The following STX8 variants were observed in gnomAD, a reference collection of about 807,000 sequenced individuals.
The protein encoded by STX8 is syntaxin-8.
Under a neutral mutation model 37.5 loss-of-function variants are expected in STX8, and 23 were observed. The observed-to-expected ratio is 0.61, with a 90% CI of 0.44 to 0.87. The LOEUF is 0.87. Among genes scored for constraint, STX8 ranks in the 40% least tolerant of loss-of-function variants. STX8 has a pLI of 0.00. For missense variants in STX8, 313 were observed against 284.7 expected, an observed-to-expected ratio of 1.10 and a Z score of -0.71; for synonymous variants, 115 against 99.1, an observed-to-expected ratio of 1.16 and a Z score of -0.95.
intron 6 of STX8, among the ~76,000 whole-genome samples, chr17:9,481,114 A>C (rs1172525536): frequency 1.3e-5 from 2 of 152,028 alleles, no homozygotes; most frequent in Admixed American, 6.6e-5. Context: ...CTATCTCCTG[A>C]CCTCGTGATC....
intron 5 of STX8, among the ~76,000 whole-genome samples, chr17:9,492,610 C>G (rs1346294143): frequency 6.6e-6 from 1 of 152,200 alleles, no homozygotes; most frequent in Non-Finnish European, 1.5e-5. Context: ...CAGATATCAA[C>G]TTAGTGCCTC....
Position 9,557,482 on chromosome 17 carries a change from A to C in STX8, c.164T>G (p.Ile55Ser). The change falls in exon 3 of 8, where the codon ATC becomes AGC. Residue 55 changes from isoleucine to serine, a missense_variant. By Grantham distance (142) the Ile-to-Ser change is moderately radical (BLOSUM62 -2). Coordinates refer to ENST00000306357, the MANE Select transcript of STX8 (RefSeq NM_004853.3). Reference protein sequence around the residue: ...RALLQNLKEKIALLKDLLLRA... With the variant: ...RALLQNLKEKSALLKDLLLRA... ...TAGCAATAAGTCCTTCAAAAGGGCGATCTTTTCCTTCAGGTTCTGCAACAA... is the reference window on the plus strand; with the variant it reads ...TAGCAATAAGTCCTTCAAAAGGGCGCTCTTTTCCTTCAGGTTCTGCAACAA... The C allele has an allele frequency of 6.2e-7, 1 of 1,614,156 alleles. No individual in the cohort carries two copies. The highest frequency in any genetic ancestry group is 1.1e-5 in the South Asian group (1 of 91,088).
chr17:9,479,872 G>C (rs1906248300), intron 6 of STX8, among the ~76,000 whole-genome samples: 1 of 151,838 alleles, frequency 6.6e-6, no homozygotes, highest in South Asian at 2.1e-4. Flanking sequence ...ATGCTCTCTA[G>C]ACCCTGGGTA....
chr17:9,377,251 G>T (rs955073855), intron 7 of STX8, among the ~76,000 whole-genome samples: 1 of 151,952 alleles, frequency 6.6e-6, no homozygotes, highest in African/African-American at 2.4e-5. Context: ...CTGAAAGTTT[G>T]GCAAAGTATG....
At chr17:9,297,963 C>T (rs1197291023) in intron 7 of STX8, among the ~76,000 whole-genome samples, 1 of 152,172 alleles carries the variant, frequency 6.6e-6, no homozygotes, top group Non-Finnish European at 1.5e-5. Flanking sequence ...TTCCATGTAC[C>T]TAGCAAGGGT....
chr17:9,252,161 T>A (rs1359376119), intron 7 of STX8, among the ~76,000 whole-genome samples: 4 of 125,272 alleles, frequency 3.2e-5, no homozygotes, highest in African/African-American at 1.2e-4. Flanking sequence ...ATTTAAAAAA[T>A]TGGCCGGGCG....
chr17:9,455,512 A>G (rs1385856938), intron 6 of STX8, among the ~76,000 whole-genome samples: 1 of 152,200 alleles, frequency 6.6e-6, no homozygotes, highest in Admixed American at 6.5e-5. Context: ...AAATCAATCA[A>G]TAAATAAAAA....
intron 6 of STX8, among the ~76,000 whole-genome samples, chr17:9,410,639 G>A (rs189333558): frequency 5.9e-5 from 9 of 152,238 alleles, no homozygotes; most frequent in South Asian, 4.1e-4. Context: ...GTTCAAAATC[G>A]GAATGGGTTT....
intron 7 of STX8, among the ~76,000 whole-genome samples, chr17:9,277,755 C>A (rs574024079): frequency 3.3e-5 from 5 of 152,088 alleles, no homozygotes; most frequent in African/African-American, 1.2e-4. Context: ...TGGGTGAAGA[C>A]CATGCCAGCC....
chr17:9,508,113 T>A (rs974593080), intron 4 of STX8, among the ~76,000 whole-genome samples: 1 of 152,014 alleles, frequency 6.6e-6, no homozygotes, highest in Non-Finnish European at 1.5e-5. Flanking sequence ...AGAAAAAGAA[T>A]TCAAAATAGT....
rs539624096 is a variant in STX8, at chr17:9,283,119, T to C, written c.644-32474A>G. ...GATAGGAAAAACAGAGCACTCACAA[T>C]TACAGATGTTGTGACCCTGGTCCAA... On this transcript the variant is annotated intron_variant, in intron 7 of 7. Coordinates refer to ENST00000306357, the MANE Select transcript of STX8 (RefSeq NM_004853.3). 4 of 116,152 alleles carry C rather than the reference T, an allele frequency of 3.4e-5. No individual in the cohort carries two copies. The South Asian group carries it at 9.1e-4, about 26-fold the overall frequency. The allele number at this position is 116,152 out of a possible 1,614,324, so 7.2% of individuals were successfully genotyped here.
intron 2 of STX8, among the ~76,000 whole-genome samples, chr17:9,565,437 G>A (rs374609441): frequency 3.9e-5 from 6 of 151,952 alleles, no homozygotes; most frequent in African/African-American, 1.4e-4. Context: ...CCAACATGGC[G>A]AAACCCTCTC....
intron 6 of STX8, among the ~76,000 whole-genome samples, chr17:9,474,285 T>C (rs1906006823): frequency 6.6e-6 from 1 of 152,142 alleles, no homozygotes; most frequent in Non-Finnish European, 1.5e-5. Context: ...TTAATAAAAC[T>C]GTAATAGTAA....
At chr17:9,501,694 C>A (rs964123923) in intron 5 of STX8, among the ~76,000 whole-genome samples, 5 of 145,584 alleles carry the variant, frequency 3.4e-5, no homozygotes, top group Non-Finnish European at 6.0e-5. Flanking sequence ...AATAAACAGG[C>A]CAGGCACGGT....
chr17:9,560,652 C>G (rs1907195287), intron 2 of STX8, among the ~76,000 whole-genome samples: 1 of 151,600 alleles, frequency 6.6e-6, no homozygotes, highest in African/African-American at 2.4e-5. Context: ...TAAGTTTTCC[C>G]CAATTTAAAT....
chr17:9,416,865 T>C (rs1913217351), intron 6 of STX8, among the ~76,000 whole-genome samples: 1 of 152,224 alleles, frequency 6.6e-6, no homozygotes. Flanking sequence ...GATTTCTAAC[T>C]ACCCCAATTG....
chr17:9,429,994 T>G (rs868665213), intron 6 of STX8, among the ~76,000 whole-genome samples: 8 of 13,134 alleles, frequency 6.1e-4, no homozygotes, highest in African/African-American at 5.2e-3. Flanking sequence ...ATATTATATA[T>G]AATATATATA....
Position 9,475,534 on chromosome 17 carries a change from A to C in STX8, c.541+16295T>G, listed in dbSNP as rs751544743. On this transcript the variant is annotated intron_variant, in intron 6 of 7. Transcript: ENST00000306357. The stretch of plus-strand genomic sequence containing the variant: ...CTGCCCTGTGTAGACTGCAGTCTGC[A>C]GTACTTGCCCCCAGCTGGAACCCCC... Among the ~76,000 whole-genome samples, 6 of 152,258 alleles carry C rather than the reference A, an allele frequency of 3.9e-5. No individual in the cohort carries two copies. In the South Asian group the frequency reaches 1.2e-3, roughly 32 times the overall value.
At chr17:9,279,211 C>T (rs930799735) in intron 7 of STX8, among the ~76,000 whole-genome samples, 1 of 152,036 alleles carries the variant, frequency 6.6e-6, no homozygotes, top group African/African-American at 2.4e-5. Flanking sequence ...GCACCCGCCA[C>T]CACGCCTGGC....
Sources: gnomAD v4.1 joint callset for allele counts (sites outside exome capture counted in the v4.1 genomes callset) on GRCh38, gnomAD v4.1.1 for gene constraint, MANE v1.5 for transcripts, NCBI Gene and HGNC (gene_info 2026-07-23, HGNC 2026-07-21) for gene names.